Variants in KIT observed in about 807,000 individuals in gnomAD.
The protein encoded by KIT is KIT proto-oncogene, receptor tyrosine kinase, also known as mast/stem cell growth factor receptor Kit.
KIT carries 16 observed loss-of-function variants against 105.7 expected under a neutral mutation model. That is an observed-to-expected ratio of 0.15 (90% CI 0.10 to 0.23). KIT has a LOEUF of 0.23. Among genes scored for constraint, KIT ranks in the 10% least tolerant of loss-of-function variants. The pLI, the probability that KIT is intolerant of heterozygous loss-of-function variation, is 1.00. For synonymous variants in KIT, 438 were observed against 441.1 expected (o/e 0.99, Z 0.09); for missense variants, 858 against 1,213.8 (o/e 0.71, Z 4.36).
At chr4:54,723,478 C>T (rs920847082) in intron 7 of KIT, 106 bp from the exon 8 acceptor site, 2 of 763,724 alleles carry the variant, frequency 2.6e-6, no homozygotes, top group African/African-American at 3.4e-5. Flanking sequence ...CTCCCTCAGG[C>T]TACTCAGCAG....
In KIT at chr4:54,736,631, A is replaced by G. The variant is rs375118591; in HGVS notation, c.2596+22A>G. On this transcript the variant is annotated intron_variant, in intron 18 of 20. Coordinates refer to ENST00000288135, the MANE Select transcript of KIT (RefSeq NM_000222.3). ...TTAGGTAAAATGATCCTTGCCAAAG[A>G]CAACTTCATTAGACTCAGAGCATCT... 2.7e-5 allele frequency: 44 copies of G among 1,604,168 alleles called. No homozygotes were observed. In the African/African-American group the frequency reaches 4.8e-4, roughly 18 times the overall value.
chr4:54,710,955 C>T (rs1010423464), intron 7 of KIT, among the ~76,000 whole-genome samples: 3 of 152,196 alleles, frequency 2.0e-5, no homozygotes, highest in Non-Finnish European at 4.4e-5. Context: ...TCATAGCTCA[C>T]TATATCCTTG....
chr4:54,658,783 C>T (rs185113473), intron 1 of KIT, among the ~76,000 whole-genome samples: 1,578 of 152,202 alleles, frequency 0.01, 15 homozygotes, highest in Non-Finnish European at 0.018. Context: ...GAGGTGGTGG[C>T]GACAGGGACA....
intron 1 of KIT, among the ~76,000 whole-genome samples, chr4:54,665,608 T>G (rs1268200262): frequency 6.6e-6 from 1 of 152,178 alleles, no homozygotes; most frequent in Non-Finnish European, 1.5e-5. Flanking sequence ...GAAGGAGAAC[T>G]GGAATTATCA....
At chr4:54,661,191 C>G (rs1227739637) in intron 1 of KIT, among the ~76,000 whole-genome samples, 1 of 152,140 alleles carries the variant, frequency 6.6e-6, no homozygotes, top group Non-Finnish European at 1.5e-5. Flanking sequence ...AGAGAACACC[C>G]CCAATAATGG....
chr4:54,700,807 A>T lies in KIT; in HGVS notation c.756+1041A>T, dbSNP rs556705282. Among the ~76,000 whole-genome samples, 7 of 152,356 alleles carry T rather than the reference A, an allele frequency of 4.6e-5. No individual in the cohort carries two copies. In the East Asian group the frequency reaches 1.2e-3, roughly 25 times the overall value. ...GTGATGATATTCATGTAGACCTGTG[A>T]TGGATGATATCTTGCTAAATGAAGC... On this transcript the variant is annotated intron_variant, in intron 4 of 20. Transcript: ENST00000288135.
chr4:54,717,078 A>G (rs769916097), intron 7 of KIT, among the ~76,000 whole-genome samples: 4 of 152,198 alleles, frequency 2.6e-5, no homozygotes, highest in Non-Finnish European at 4.4e-5. Flanking sequence ...TTTTGTTCTC[A>G]AATTGCTTGG....
rs773424680 is a variant in KIT, at chr4:54,725,847, T to G, written c.1347-10T>G. 6.2e-7 allele frequency: 1 copy of G among 1,613,618 alleles called. No homozygotes were observed. On this transcript the variant is annotated splice_polypyrimidine_tract_variant and intron_variant, in intron 8 of 20. Coordinates refer to ENST00000288135, the MANE Select transcript of KIT (RefSeq NM_000222.3). ...AGAGTAAGCCAGGGCTTTTGTTTTC[T>G]TCCCTTTAGATGCTCTGCTTCTGTA...
rs1429567747 is a variant in KIT, at chr4:54,738,838, G to A, written c.*281G>A. ...AAAGAGAGGGAGGTATGGACTGGGG[G>A]CCAGAGTCCTTTCCAAGGCTTCTCC... On this transcript the variant is annotated 3_prime_UTR_variant, in exon 21 of 21. Transcript: ENST00000288135. 1 of 600,072 alleles carries A rather than the reference G, an allele frequency of 1.7e-6. No individual in the cohort carries two copies. The allele number at this position is 600,072 out of a possible 1,614,324, so 37.2% of individuals were successfully genotyped here. A position where few individuals can be genotyped will look rare whatever the true frequency, so the allele number is the denominator to read the frequency against.
chr4:54,674,340 A>G (rs1208922813), intron 1 of KIT, among the ~76,000 whole-genome samples: 2 of 152,154 alleles, frequency 1.3e-5, no homozygotes, highest in African/African-American at 4.8e-5. Context: ...CTCCGCACTC[A>G]CTAATTAAAC....
At chr4:54,666,818 G>A (rs1024604389) in intron 1 of KIT, among the ~76,000 whole-genome samples, 2 of 152,162 alleles carry the variant, frequency 1.3e-5, no homozygotes, top group Admixed American at 1.3e-4. Flanking sequence ...CTTGGCTGTG[G>A]GGCAGAGTTT....
chr4:54,680,406 A>T (rs2537865), intron 1 of KIT, among the ~76,000 whole-genome samples: 25,113 of 113,396 alleles, frequency 0.22, 5,035 homozygotes, highest in African/African-American at 0.58. Context: ...TTTTTTTTTT[A>T]ATGAGAAGGA....
At chr4:54,668,994 G>C (rs1717904342) in intron 1 of KIT, among the ~76,000 whole-genome samples, 1 of 152,168 alleles carries the variant, frequency 6.6e-6, no homozygotes, top group African/African-American at 2.4e-5. Context: ...TTATTTGGCT[G>C]ATAAAACACC....
At chr4:54,708,351 G>C (rs574814270) in intron 6 of KIT, among the ~76,000 whole-genome samples, 1 of 152,244 alleles carries the variant, frequency 6.6e-6, no homozygotes, top group South Asian at 2.1e-4. Flanking sequence ...GACTTATGCA[G>C]GGATAGACTG....
At position 54,726,033 on chromosome 4, in the gene KIT, T is replaced by A; in HGVS notation, c.1523T>A (p.Phe508Tyr). 1 of 1,613,910 alleles carries A rather than the reference T, an allele frequency of 6.2e-7. No individual in the cohort carries two copies. Among genetic ancestry groups the A allele is most frequent in the Non-Finnish European group, 8.5e-7 (1 of 1,179,784 alleles). ...ACTTCTGCCTATTTTAACTTTGCAT[T>A]TAAAGGTAACAACAAAGGTATATTT... ...GKTSAYFNFA[F>Y]KGNNKEQIHP... Residue 508 changes from phenylalanine to tyrosine, a missense_variant, in exon 9 of 21, where the codon TTT becomes TAT. Transcript: ENST00000288135.
At chr4:54,709,352 A>G (rs1361830881) in intron 6 of KIT, 72 bp from the exon 7 acceptor site, 7 of 946,164 alleles carry the variant, frequency 7.4e-6, no homozygotes, top group Admixed American at 1.7e-5. Flanking sequence ...ATTTCCAGGT[A>G]GAAACTGAAA....
intron 7 of KIT, among the ~76,000 whole-genome samples, chr4:54,716,178 G>A (rs565948348): frequency 1.8e-4 from 27 of 152,284 alleles, no homozygotes; most frequent in East Asian, 5.8e-4. Context: ...TACTATTAGC[G>A]TGACTTCCTC....
intron 4 of KIT, among the ~76,000 whole-genome samples, chr4:54,702,848 G>T (rs543004250): frequency 2.6e-5 from 4 of 152,206 alleles, no homozygotes; most frequent in Admixed American, 1.3e-4. Context: ...CCTCGCCAAG[G>T]AATCACCCTT....
intron 8 of KIT, among the ~76,000 whole-genome samples, chr4:54,724,561 A>G (rs902013655): frequency 6.6e-6 from 1 of 152,144 alleles, no homozygotes; most frequent in Non-Finnish European, 1.5e-5. Context: ...TTCATTCAGT[A>G]GATACACAGG....
Sources: gnomAD v4.1 joint callset for allele counts (sites outside exome capture counted in the v4.1 genomes callset) on GRCh38, gnomAD v4.1.1 for gene constraint, MANE v1.5 for transcripts, NCBI Gene and HGNC (gene_info 2026-07-23, HGNC 2026-07-21) for gene names.